Variants in SMPD3 observed in about 807,000 individuals in gnomAD.
SMPD3 encodes nSMase-2.
SMPD3 carries 21 observed loss-of-function variants against 55.7 expected under a neutral mutation model. The observed-to-expected ratio is 0.38, with a 90% CI of 0.27 to 0.54. SMPD3 has a LOEUF of 0.54. Among genes scored for constraint, SMPD3 ranks in the 20% least tolerant of loss-of-function variants. SMPD3 has a pLI of 0.80. For missense variants in SMPD3, 842 were observed against 899.6 expected (o/e 0.94, Z 0.82); for synonymous variants, 457 against 404.3 (o/e 1.13, Z -1.56).
At chr16:68,442,574 G>A (rs2090575335) in intron 1 of SMPD3, among the ~76,000 whole-genome samples, 1 of 152,214 alleles carries the variant, frequency 6.6e-6, no homozygotes, top group South Asian at 2.1e-4. Context: ...GATCACAACA[G>A]CCTTAGCAAT....
At chr16:68,431,953 C>T (rs1284766496) in intron 1 of SMPD3, among the ~76,000 whole-genome samples, 2 of 148,382 alleles carry the variant, frequency 1.3e-5, no homozygotes, top group African/African-American at 2.5e-5. Flanking sequence ...ACAAAAAAAC[C>T]CAAAACCAAA....
At chr16:68,403,462 GC>G (rs2090228312) in intron 1 of SMPD3, among the ~76,000 whole-genome samples, 1 of 152,130 alleles carries the variant, frequency 6.6e-6, no homozygotes. Context: ...CTTCATTCAT[GC>G]CTGAAAACAA....
chr16:68,429,760 C>A (rs567199522), intron 1 of SMPD3, among the ~76,000 whole-genome samples: 4 of 152,242 alleles, frequency 2.6e-5, no homozygotes, highest in South Asian at 4.1e-4. Context: ...AGGGAGGGAC[C>A]TTTTCCTGGG....
chr16:68,421,048 GC>G (rs1234994123), intron 1 of SMPD3, among the ~76,000 whole-genome samples: 3 of 152,158 alleles, frequency 2.0e-5, no homozygotes, highest in African/African-American at 7.2e-5. Context: ...GCACCCAGAA[GC>G]CACTCCCATT....
chr16:68,371,079 T>C lies in SMPD3; in HGVS notation c.1103A>G (p.Lys368Arg). The C allele has an allele frequency of 6.2e-7, 1 of 1,614,186 alleles. No individual in the cohort carries two copies. The highest frequency in any genetic ancestry group is 8.5e-7 in the Non-Finnish European group (1 of 1,180,042). Reference protein sequence around the residue: ...DFLCLQEVFDKRAATKLKEQL... With the variant: ...DFLCLQEVFDRRAATKLKEQL... ...CTCTTTCAATTTGGTGGCTGCTCGCTTGTCAAACACCTCCTGCAGGCACAG... is the reference window on the plus strand; with the variant it reads ...CTCTTTCAATTTGGTGGCTGCTCGCCTGTCAAACACCTCCTGCAGGCACAG... Residue 368 changes from lysine (K) to arginine (R), a missense_variant, in exon 3 of 9, where the codon AAG (lysine) becomes AGG (arginine). Around this residue, in one of 2 missense-constraint regions of SMPD3, gnomAD observed 649 missense variants for 643.6 expected, o/e 1.01. Coordinates refer to ENST00000219334, the MANE Select transcript of SMPD3 (RefSeq NM_018667.4).
intron 2 of SMPD3, among the ~76,000 whole-genome samples, chr16:68,375,620 G>A (rs1209193389): frequency 6.7e-6 from 1 of 150,058 alleles, no homozygotes; most frequent in African/African-American, 2.5e-5. Flanking sequence ...AGGGTGTAGA[G>A]GAGAGAGACT....
intron 1 of SMPD3, among the ~76,000 whole-genome samples, chr16:68,429,509 G>A (rs929684492): frequency 2.0e-5 from 3 of 152,160 alleles, no homozygotes; most frequent in African/African-American, 7.2e-5. Flanking sequence ...GAGTATAATT[G>A]TTTCTGCTCT....
chr16:68,365,199 T>G (rs36121552), intron 3 of SMPD3, 107 bp from the exon 4 acceptor site: 49,556 of 1,119,276 alleles, frequency 0.044, 1,287 homozygotes, highest in Middle Eastern at 0.1. Context: ...CTCACAAGCC[T>G]GGCTCCTGGC....
chr16:68,427,732 G>A (rs1597663910), intron 1 of SMPD3, among the ~76,000 whole-genome samples: 2 of 148,946 alleles, frequency 1.3e-5, no homozygotes, highest in East Asian at 4.3e-4. Context: ...ACAGGAGTGG[G>A]ATGGGGAGTT....
rs1385316447 is a variant in SMPD3 at position 68,361,008 on chromosome 16, G to A, written c.*198C>T. ...TGGTTAGGCAGCTGGAGGCTCCTGGGGCGGGCCTGACTCCTCTGTCCACAG... is the reference window on the plus strand; with the variant it reads ...TGGTTAGGCAGCTGGAGGCTCCTGGAGCGGGCCTGACTCCTCTGTCCACAG... On this transcript the variant is annotated 3_prime_UTR_variant, in exon 9 of 9. Coordinates refer to ENST00000219334, the MANE Select transcript of SMPD3 (RefSeq NM_018667.4). 3.5e-6 allele frequency: 2 copies of A among 574,476 alleles called. No homozygotes were observed. The highest frequency in any genetic ancestry group is 6.2e-6 in the Non-Finnish European group (2 of 324,280). 35.6% of individuals were successfully genotyped at this position (574,476 alleles called of 1,614,324 possible).
chr16:68,371,090 C>T lies in SMPD3; in HGVS notation c.1092G>A (p.Glu364=). The change falls in exon 3 of 9, where the codon GAG becomes GAA. Residue 364 remains glutamate, a synonymous_variant. Coordinates refer to ENST00000219334, the MANE Select transcript of SMPD3 (RefSeq NM_018667.4). ...PANLDFLCLQ[E]VFDKRAATKL... ...TGGTGGCTGCTCGCTTGTCAAACACCTCCTGCAGGCACAGGAAGTCCAGGT... is the reference window on the plus strand; with the variant it reads ...TGGTGGCTGCTCGCTTGTCAAACACTTCCTGCAGGCACAGGAAGTCCAGGT... 1 of 1,614,188 alleles carries T rather than the reference C, an allele frequency of 6.2e-7. No homozygotes were observed. The highest frequency in any genetic ancestry group is 8.5e-7 in the Non-Finnish European group (1 of 1,180,044).
At chr16:68,443,670 A>G (rs16957973) in intron 1 of SMPD3, among the ~76,000 whole-genome samples, 3,315 of 152,292 alleles carry the variant, frequency 0.022, 126 homozygotes, top group African/African-American at 0.075. Context: ...TCAGTTAACA[A>G]AGCTGGATAA....
At chr16:68,424,905 T>C (rs1035950988) in intron 1 of SMPD3, among the ~76,000 whole-genome samples, 1 of 152,126 alleles carries the variant, frequency 6.6e-6, no homozygotes, top group Non-Finnish European at 1.5e-5. Flanking sequence ...AGAGACAGGG[T>C]TTCACCAAGT....
At chr16:68,427,357 A>G (rs1406506957) in intron 1 of SMPD3, among the ~76,000 whole-genome samples, 1 of 152,200 alleles carries the variant, frequency 6.6e-6, no homozygotes, top group African/African-American at 2.4e-5. Flanking sequence ...CTGTATCGTC[A>G]AACTTGCCAG....
chr16:68,364,098 C>T (rs1307584495), intron 5 of SMPD3, among the ~76,000 whole-genome samples: 1 of 152,230 alleles, frequency 6.6e-6, no homozygotes, highest in Admixed American at 6.5e-5. Flanking sequence ...CTTCAGCATT[C>T]CCTCTGAGGA....
intron 1 of SMPD3, among the ~76,000 whole-genome samples, chr16:68,427,611 G>T (rs979223469): frequency 6.6e-6 from 1 of 152,186 alleles, no homozygotes; most frequent in Non-Finnish European, 1.5e-5. Flanking sequence ...TATTTAAATA[G>T]TTACACATTG....
intron 1 of SMPD3, among the ~76,000 whole-genome samples, chr16:68,435,098 C>T (rs2090512062): frequency 6.8e-6 from 1 of 147,748 alleles, no homozygotes; most frequent in Non-Finnish European, 1.5e-5. Context: ...GAAGCCCTTC[C>T]TTTTGGCTCC....
At chr16:68,386,981 G>A (rs2090062276) in intron 1 of SMPD3, among the ~76,000 whole-genome samples, 1 of 152,186 alleles carries the variant, frequency 6.6e-6, no homozygotes, top group African/African-American at 2.4e-5. Flanking sequence ...GCCAGGCGCA[G>A]GGGGTGCGGG....
chr16:68,405,662 G>A (rs1029947895), intron 1 of SMPD3, among the ~76,000 whole-genome samples: 1 of 151,892 alleles, frequency 6.6e-6, no homozygotes, highest in Non-Finnish European at 1.5e-5. Context: ...GATGAAAATA[G>A]TGACTTCTCG....
Sources: allele counts gnomAD v4.1 joint callset (sites outside exome capture counted in the v4.1 genomes callset), GRCh38; gene constraint gnomAD v4.1.1; regional missense constraint gnomAD v4.1.1; transcripts MANE v1.5; gene names NCBI Gene and HGNC (gene_info 2026-07-23, HGNC 2026-07-21).